THSD7A: variants seen among roughly 807,000 people sequenced by gnomAD.
THSD7A encodes the protein thrombospondin type 1 domain containing 7A.
THSD7A carries 96 observed loss-of-function variants against 231.3 expected under a neutral mutation model. That is an observed-to-expected ratio of 0.41 (90% CI 0.35 to 0.49). The LOEUF is 0.49. THSD7A is among the 20% of genes least tolerant of loss of function. The pLI is 0.05. For missense variants in THSD7A, 2,290 were observed against 2,070.2 expected (o/e 1.11, Z -2.06); for synonymous variants, 940 against 743.3 (o/e 1.26, Z -4.30).
intron 1 of THSD7A, among the ~76,000 whole-genome samples, chr7:11,706,809 T>C (rs1780784682): frequency 6.6e-6 from 1 of 150,530 alleles, no homozygotes; most frequent in Non-Finnish European, 1.5e-5. Flanking sequence ...AGTACATTTA[T>C]CAGAGTCTAA....
chr7:11,419,333 A>C (rs1374832075), intron 16 of THSD7A, among the ~76,000 whole-genome samples: 1 of 152,134 alleles, frequency 6.6e-6, no homozygotes, highest in Admixed American at 6.5e-5. Flanking sequence ...TGTTCATGAT[A>C]GTGAGTTCTC....
At chr7:11,473,265 T>G (rs1037035422) in intron 8 of THSD7A, among the ~76,000 whole-genome samples, 2 of 152,194 alleles carry the variant, frequency 1.3e-5, no homozygotes, top group Non-Finnish European at 2.9e-5. Flanking sequence ...GACATTATTT[T>G]CATTTTCTTG....
At chr7:11,702,302 C>T (rs1043029264) in intron 1 of THSD7A, among the ~76,000 whole-genome samples, 1 of 151,092 alleles carries the variant, frequency 6.6e-6, no homozygotes, top group Admixed American at 6.6e-5. Context: ...AAAGGTCTGG[C>T]GAAAAATCCA....
intron 1 of THSD7A, among the ~76,000 whole-genome samples, chr7:11,696,842 G>A (rs77876241): frequency 0.092 from 13,902 of 151,464 alleles, 798 homozygotes; most frequent in Non-Finnish European, 0.14. Context: ...AGAGTAAGTA[G>A]TAATGTAATA....
intron 1 of THSD7A, among the ~76,000 whole-genome samples, chr7:11,709,563 C>T (rs1780883005): frequency 6.6e-6 from 1 of 150,810 alleles, no homozygotes; most frequent in South Asian, 2.1e-4. Context: ...ACTGCTGTCT[C>T]TTTTGGTGTA....
chr7:11,811,035 T>G (rs1365435921), intron 1 of THSD7A, among the ~76,000 whole-genome samples: 1 of 152,198 alleles, frequency 6.6e-6, no homozygotes, highest in Non-Finnish European at 1.5e-5. Context: ...TTCAAACTTC[T>G]GAAGACATTT....
intron 8 of THSD7A, among the ~76,000 whole-genome samples, chr7:11,472,886 G>A (rs1205514476): frequency 6.6e-6 from 1 of 152,154 alleles, no homozygotes; most frequent in African/African-American, 2.4e-5. Flanking sequence ...CTGTGCCTGC[G>A]TAGTGAATAT....
chr7:11,749,471 T>C (rs1782427724), intron 1 of THSD7A, among the ~76,000 whole-genome samples: 1 of 151,944 alleles, frequency 6.6e-6, no homozygotes, highest in Non-Finnish European at 1.5e-5. Flanking sequence ...AGCAAACAGA[T>C]ATAAAAAAGA....
At chr7:11,508,759 C>G (rs1787666233) in intron 6 of THSD7A, among the ~76,000 whole-genome samples, 1 of 152,152 alleles carries the variant, frequency 6.6e-6, no homozygotes, top group Non-Finnish European at 1.5e-5. Context: ...AACATTCAGC[C>G]TTAAAAAAGC....
chr7:11,703,673 G>T (rs1193153262), intron 1 of THSD7A, among the ~76,000 whole-genome samples: 1 of 151,256 alleles, frequency 6.6e-6, no homozygotes, highest in Non-Finnish European at 1.5e-5. Flanking sequence ...AATGTACAAT[G>T]TGGTGTCTGA....
intron 17 of THSD7A, chr7:11,414,133 A>C (rs923088441): frequency 1.1e-4 from 17 of 152,382 alleles, no homozygotes; most frequent in African/African-American, 3.8e-4. Context: ...GGGTGGTTAC[A>C]GCCTGACACT....
chr7:11,733,011 A>C (rs2355073), intron 1 of THSD7A, among the ~76,000 whole-genome samples: 110,614 of 151,398 alleles, frequency 0.73, 40,478 homozygotes, highest in South Asian at 0.79. Context: ...TAATGTTACC[A>C]GGAAATGTAA....
At chr7:11,463,524 T>A (rs39184) in intron 9 of THSD7A, among the ~76,000 whole-genome samples, 1 of 152,022 alleles carries the variant, frequency 6.6e-6, no homozygotes, top group Non-Finnish European at 1.5e-5. Context: ...CGACCTTGTA[T>A]GACCTATCCC....
In THSD7A at chr7:11,444,079, G is replaced by A. The variant is rs1360741328; in HGVS notation, c.3064+1982C>T. ...CATCATCACTGGTCATTAGAGAAAT[G>A]CAAATCAAAACCACAGTGAGATACC... On this transcript the variant is annotated intron_variant, in intron 13 of 27. Transcript: ENST00000423059. The surrounding 1 kb of genome is among the most constrained non-coding windows in gnomAD (Gnocchi z 4.2). Among the ~76,000 whole-genome samples the A allele has an allele frequency of 6.6e-6, 1 of 152,052 alleles. No homozygotes were observed. The highest frequency in any genetic ancestry group is 2.1e-4 in the South Asian group (1 of 4,826).
chr7:11,376,166 C>G (rs1039637753), intron 27 of THSD7A, among the ~76,000 whole-genome samples: 1 of 151,970 alleles, frequency 6.6e-6, no homozygotes, highest in African/African-American at 2.4e-5. Context: ...ATAGTAGGGT[C>G]ATTTTCATTT....
chr7:11,791,319 C>T (rs1783946592), intron 1 of THSD7A, among the ~76,000 whole-genome samples: 1 of 151,988 alleles, frequency 6.6e-6, no homozygotes. Flanking sequence ...TTGGCATTTG[C>T]TATCTCCTAT....
chr7:11,812,192 G>A (rs1474879243), intron 1 of THSD7A, among the ~76,000 whole-genome samples: 2 of 151,412 alleles, frequency 1.3e-5, no homozygotes, highest in Admixed American at 6.6e-5. Flanking sequence ...CCCCTGTCAG[G>A]TTTTTTGGGA....
At position 11,742,758 on chromosome 7, in the gene THSD7A, T is replaced by G. The variant is rs1027252025; in HGVS notation, c.190+88999A>C. Reference sequence around the variant, plus strand: ...GATTTATCACCTTCACATCTCTAAATGGGAGGAGGTCAGATCAGACAGAGG... The same window carrying G: ...GATTTATCACCTTCACATCTCTAAAGGGGAGGAGGTCAGATCAGACAGAGG... On this transcript the variant is annotated intron_variant, in intron 1 of 27. Coordinates refer to ENST00000423059, the MANE Select transcript of THSD7A (RefSeq NM_015204.3). Among the ~76,000 whole-genome samples, 36 of 151,902 alleles carry G rather than the reference T, an allele frequency of 2.4e-4. 1 individual carries two copies. The highest frequency in any genetic ancestry group is 1.0e-4 in the Non-Finnish European group (7 of 67,922).
intron 16 of THSD7A, among the ~76,000 whole-genome samples, chr7:11,421,209 C>CA (rs1384737424): frequency 6.6e-6 from 1 of 152,066 alleles, no homozygotes; most frequent in Non-Finnish European, 1.5e-5. Context: ...TGTCCCCACC[C>CA]AAATCTCATG....
Sources: gnomAD v4.1 joint callset for allele counts (sites outside exome capture counted in the v4.1 genomes callset) on GRCh38, gnomAD v4.1.1 for gene constraint, Gnocchi (gnomAD v3.1) non-coding constraint, MANE v1.5 for transcripts, NCBI Gene and HGNC (gene_info 2026-07-23, HGNC 2026-07-21) for gene names.